ETV3L: variants seen among roughly 807,000 people sequenced by gnomAD.
ETV3L encodes ETS variant transcription factor 3 like, also known as ETS translocation variant 3-like protein.
In ETV3L, 30 loss-of-function variants were observed where a neutral mutation model predicts 27.6. The ratio of observed to expected loss-of-function variants is 1.09; its 90% CI spans 0.81 to 1.48. The LOEUF (loss-of-function observed/expected upper bound fraction) is 1.48. ETV3L is among the 40% of genes most tolerant of loss of function. The pLI, the probability that ETV3L is intolerant of heterozygous loss-of-function variation, is 0.00. For missense variants in ETV3L, 443 were observed against 455.6 expected (o/e 0.97, Z 0.25); for synonymous variants, 186 against 188.9 (o/e 0.98, Z 0.12).
chr1:157,097,862 A>G lies in ETV3L; in HGVS notation c.607+6T>C. The G allele has an allele frequency of 1.2e-6, 2 of 1,611,312 alleles. No individual in the cohort carries two copies. The highest frequency in any genetic ancestry group is 1.7e-6 in the Non-Finnish European group (2 of 1,179,194). On this transcript the variant is annotated splice_donor_region_variant and intron_variant, in intron 4 of 4. Coordinates refer to ENST00000454449, the MANE Select transcript of ETV3L (RefSeq NM_001004341.2). ...CCCCTGGGCCCTCCCAGCCTTGAGC[A>G]CTCACGGTAGACGCTGCTGCTGCTC...
Position 157,099,193 on chromosome 1 carries a change from G to T in ETV3L, c.244C>A (p.Arg82Ser). The T allele has an allele frequency of 6.2e-7, 1 of 1,613,880 alleles. No homozygotes were observed. Residue 82 changes from arginine to serine, a missense_variant, in exon 2 of 5, where the codon CGC becomes AGC. By Grantham distance (110) the Arg-to-Ser change is moderately radical. Coordinates refer to ENST00000454449, the MANE Select transcript of ETV3L (RefSeq NM_001004341.2). ...DPDEVARLWG[R>S]RKCKPQMNYD... ...TTCATCTGTGGTTTGCATTTCCTGC[G>T]GCCCCAGAGGCGGGCCACCTCATCT...
rs375485140 is a variant in ETV3L at position 157,098,926 on chromosome 1, G to A, written c.297-31C>T. The A allele has an allele frequency of 4.1e-5, 65 of 1,586,126 alleles. No individual in the cohort carries two copies. The African/African-American group carries it at 8.1e-4, about 20-fold the overall frequency. ...GAATTCGAAGTTGAGAATAGAGTTG[G>A]CCCAGCAGTCAGAGAATAGAGTCAG... On this transcript the variant is annotated intron_variant, in intron 2 of 4. Coordinates refer to ENST00000454449, the MANE Select transcript of ETV3L (RefSeq NM_001004341.2).
At chr1:157,096,867 C>T (rs540697890) in intron 4 of ETV3L, among the ~76,000 whole-genome samples, 8 of 152,092 alleles carry the variant, frequency 5.3e-5, no homozygotes, top group African/African-American at 1.4e-4. Context: ...TGCAGTGAGC[C>T]GAGATTGTGC....
chr1:157,098,023 G>A, intron 3 of ETV3L, 35 bp from the exon 4 acceptor site: 1 of 1,563,910 alleles, frequency 6.4e-7, no homozygotes. Context: ...GGTGTGATGG[G>A]CTCTCCTTGG....
Position 157,099,601 on chromosome 1 carries a change from C to T in ETV3L, c.-78G>A. 4 of 1,235,302 alleles carry T rather than the reference C, an allele frequency of 3.2e-6. No homozygotes were observed. Among genetic ancestry groups the T allele is most frequent in the Non-Finnish European group, 4.6e-6 (4 of 861,608 alleles). 76.5% of individuals were successfully genotyped at this position (1,235,302 alleles called of 1,614,324 possible). On this transcript the variant is annotated 5_prime_UTR_variant, in exon 1 of 5. Transcript: ENST00000454449. ...CTTAAGAGGAAGGGAAGGAAGGAGG[C>T]AGAGGGGAGGACAGTGAAAGAGGAA...
In ETV3L at chr1:157,097,867, C is replaced by A. The variant is rs148831733; in HGVS notation, c.607+1G>T. 6.2e-7 allele frequency: 1 copy of A among 1,612,162 alleles called. No individual in the cohort carries two copies. Among genetic ancestry groups the A allele is most frequent in the South Asian group, 1.1e-5 (1 of 90,988 alleles). The stretch of plus-strand genomic sequence containing the variant: ...GGGCCCTCCCAGCCTTGAGCACTCA[C>A]GGTAGACGCTGCTGCTGCTCCCCTT... On this transcript the variant is annotated splice_donor_variant, in intron 4 of 4. Coordinates refer to ENST00000454449, the MANE Select transcript of ETV3L (RefSeq NM_001004341.2). LOFTEE classifies it high-confidence loss of function.
At chr1:157,097,136 T>C (rs1674240193) in intron 4 of ETV3L, among the ~76,000 whole-genome samples, 1 of 151,892 alleles carries the variant, frequency 6.6e-6, no homozygotes, top group South Asian at 2.1e-4. Flanking sequence ...CTACCAGCTG[T>C]TCTCCAGATT....
intron 3 of ETV3L, 95 bp downstream of exon 3, chr1:157,098,611 A>G: frequency 2.4e-6 from 3 of 1,228,144 alleles, no homozygotes; most frequent in Non-Finnish European, 3.3e-6. Flanking sequence ...CTGGAGGCTG[A>G]TGGGCCCCAG....
intron 2 of ETV3L, 39 bp from the exon 3 acceptor site, chr1:157,098,934 G>A: frequency 6.3e-7 from 1 of 1,576,282 alleles, no homozygotes; most frequent in Non-Finnish European, 8.7e-7. Flanking sequence ...TGGCCCAGCA[G>A]TCAGAGAATA....
chr1:157,098,902 A>G lies in ETV3L; in HGVS notation c.297-7T>C, dbSNP rs751677051. ...CCTCTTATTGTAGTAATATCTGGAG[A>G]ATTCGAAGTTGAGAATAGAGTTGGC... On this transcript the variant is annotated splice_polypyrimidine_tract_variant and splice_region_variant and intron_variant, in intron 2 of 4. Coordinates refer to ENST00000454449, the MANE Select transcript of ETV3L (RefSeq NM_001004341.2). 17 of 1,605,206 alleles carry G rather than the reference A, an allele frequency of 1.1e-5. No homozygotes were observed. The South Asian group carries it at 1.8e-4, about 17-fold the overall frequency.
Position 157,094,741 on chromosome 1 carries a change from C to T in ETV3L, c.608-1614G>A, listed in dbSNP as rs1372761234. 3.3e-5 allele frequency among the ~76,000 whole-genome samples: 5 copies of T among 152,026 alleles called. No homozygotes were observed. In the East Asian group the frequency reaches 7.7e-4, roughly 24 times the overall value. ...CAGCCTGACCAATGTGATGAAACCC[C>T]GTCTCTACTAAAAATACAAAAATTA... On this transcript the variant is annotated intron_variant, in intron 4 of 4. Transcript: ENST00000454449.
At position 157,099,554 on chromosome 1, in the gene ETV3L, G is replaced by T. The variant is rs750196282; in HGVS notation, c.-31C>A. On this transcript the variant is annotated 5_prime_UTR_variant, in exon 1 of 5. Transcript: ENST00000454449. ...ACTCCGGCGAGATGGGCTGTGTCTG[G>T]GCCTTGGGGAAATGGTCACCACTTA... 1.3e-6 allele frequency: 2 copies of T among 1,587,932 alleles called. No homozygotes were observed. Among genetic ancestry groups the T allele is most frequent in the South Asian group, 2.3e-5 (2 of 87,608 alleles).
chr1:157,095,134 G>C lies in ETV3L; in HGVS notation c.608-2007C>G, dbSNP rs537884262. Among the ~76,000 whole-genome samples, 6 of 152,174 alleles carry C rather than the reference G, an allele frequency of 3.9e-5. No individual in the cohort carries two copies. In the South Asian group the frequency reaches 1.2e-3, roughly 32 times the overall value. On this transcript the variant is annotated intron_variant, in intron 4 of 4. Transcript: ENST00000454449. ...CTTAGATGAGGTGGAGACTGCTGTT[G>C]CACGGGAAGGCTGTGTCCCTCGGGG...
intron 4 of ETV3L, among the ~76,000 whole-genome samples, chr1:157,097,152 C>T (rs1043147714): frequency 1.3e-5 from 2 of 151,950 alleles, no homozygotes; most frequent in African/African-American, 4.8e-5. Flanking sequence ...AGATTTGCTA[C>T]ACTTGTTCAC....
At chr1:157,096,379 ACAGTGCCTGG>A (rs1404046461) in intron 4 of ETV3L, among the ~76,000 whole-genome samples, 1 of 152,174 alleles carries the variant, frequency 6.6e-6, no homozygotes, top group Non-Finnish European at 1.5e-5. Flanking sequence ...AGCCCCTAGG[ACAGTGCCTGG>A]CAAATTAAAC....
chr1:157,092,420 T>G lies in ETV3L; in HGVS notation c.*229A>C. On this transcript the variant is annotated 3_prime_UTR_variant, in exon 5 of 5. Coordinates refer to ENST00000454449, the MANE Select transcript of ETV3L (RefSeq NM_001004341.2). ...GTTGAGATTAGGAATGTCCCCTTAGTCTGCTTAGCAATATGGTGAAAGAGG... is the reference window on the plus strand; with the variant it reads ...GTTGAGATTAGGAATGTCCCCTTAGGCTGCTTAGCAATATGGTGAAAGAGG... The G allele has an allele frequency of 1.9e-6, 1 of 527,756 alleles. No individual in the cohort carries two copies. The highest frequency in any genetic ancestry group is 3.3e-6 in the Non-Finnish European group (1 of 300,252). 32.7% of individuals were successfully genotyped at this position (527,756 alleles called of 1,614,324 possible). A position where few individuals can be genotyped will look rare whatever the true frequency, so the allele number is the denominator to read the frequency against.
Position 157,099,593 on chromosome 1 carries a change from G to A in ETV3L, c.-70C>T. The A allele has an allele frequency of 7.3e-7, 1 of 1,374,260 alleles. No homozygotes were observed. Among genetic ancestry groups the A allele is most frequent in the Non-Finnish European group, 1.0e-6 (1 of 984,006 alleles). 85.1% of individuals were successfully genotyped at this position (1,374,260 alleles called of 1,614,324 possible). On this transcript the variant is annotated 5_prime_UTR_variant, in exon 1 of 5. Coordinates refer to ENST00000454449, the MANE Select transcript of ETV3L (RefSeq NM_001004341.2). ...GGTCACCACTTAAGAGGAAGGGAAG[G>A]AAGGAGGCAGAGGGGAGGACAGTGA...
chr1:157,099,664 T>G lies in ETV3L; in HGVS notation c.-141A>C. ...GGAAAGAAGGAAGGAAGGGAGAGGG[T>G]CAGGAAAGAAAGAGAGAAAAGGGAA... is the stretch of plus-strand genomic sequence containing the variant. On this transcript the variant is annotated 5_prime_UTR_variant, in exon 1 of 5. Transcript: ENST00000454449. 1.4e-6 allele frequency: 1 copy of G among 696,618 alleles called. No homozygotes were observed. The highest frequency in any genetic ancestry group is 1.8e-5 in the South Asian group (1 of 57,062). 43.2% of individuals were successfully genotyped at this position (696,618 alleles called of 1,614,324 possible). A position where few individuals can be genotyped will look rare whatever the true frequency, so the allele number is the denominator to read the frequency against.
rs150803636 is a variant in ETV3L, at chr1:157,096,081, T to C, written c.607+1787A>G. Reference sequence around the variant, plus strand: ...GTCTCTCTGTTCCAGGGCCATTGCATGCACTATTCTCTCGCTCGCCCTCTG... The same window carrying C: ...GTCTCTCTGTTCCAGGGCCATTGCACGCACTATTCTCTCGCTCGCCCTCTG... On this transcript the variant is annotated intron_variant, in intron 4 of 4. Coordinates refer to ENST00000454449, the MANE Select transcript of ETV3L (RefSeq NM_001004341.2). Among the ~76,000 whole-genome samples, 913 of 152,128 alleles carry C rather than the reference T, an allele frequency of 6.0e-3. 8 individuals are homozygous for C. The highest frequency in any genetic ancestry group is 8.1e-3 in the Non-Finnish European group (553 of 68,006).
Sources: allele counts gnomAD v4.1 joint callset (sites outside exome capture counted in the v4.1 genomes callset), GRCh38; gene constraint gnomAD v4.1.1; transcripts MANE v1.5; gene names NCBI Gene and HGNC (gene_info 2026-07-23, HGNC 2026-07-21).